Variants in FHIT observed in about 807,000 individuals in gnomAD.
FHIT encodes fragile histidine triad diadenosine triphosphatase, also known as bis(5'-adenosyl)-triphosphatase.
FHIT carries 19 observed loss-of-function variants against 17.9 expected under a neutral mutation model. The observed-to-expected ratio is 1.06, with a 90% CI of 0.74 to 1.56. The LOEUF (loss-of-function observed/expected upper bound fraction) is 1.56. Ranked by LOEUF, FHIT falls within the 40% of genes most tolerant of loss-of-function variation. FHIT has a pLI of 0.00. For missense variants in FHIT, 248 were observed against 189.2 expected (o/e 1.31, Z -1.82); for synonymous variants, 81 against 69.7 (o/e 1.16, Z -0.81).
chr3:59,843,565 G>T (rs1701607612), intron 8 of FHIT, among the ~76,000 whole-genome samples: 1 of 152,116 alleles, frequency 6.6e-6, no homozygotes, highest in African/African-American at 2.4e-5. Context: ...TGTTTTCATT[G>T]ATTGATACCT....
intron 5 of FHIT, among the ~76,000 whole-genome samples, chr3:60,089,901 T>C (rs1319210563): frequency 1.3e-5 from 2 of 152,136 alleles, no homozygotes. Context: ...ATTCAAACCA[T>C]AGAACCCACT....
At chr3:60,084,655 T>C (rs1703423697) in intron 5 of FHIT, among the ~76,000 whole-genome samples, 1 of 152,074 alleles carries the variant, frequency 6.6e-6, no homozygotes, top group Non-Finnish European at 1.5e-5. Flanking sequence ...ACAGAGAAAA[T>C]GATACGAGTA....
At chr3:60,094,868 G>A (rs1487935255) in intron 5 of FHIT, among the ~76,000 whole-genome samples, 1 of 152,006 alleles carries the variant, frequency 6.6e-6, no homozygotes, top group Non-Finnish European at 1.5e-5. Flanking sequence ...AGACAACACT[G>A]CAAAAGGAAG....
chr3:60,458,247 G>T (rs536263700), intron 5 of FHIT, among the ~76,000 whole-genome samples: 1 of 152,102 alleles, frequency 6.6e-6, no homozygotes, highest in African/African-American at 2.4e-5. Flanking sequence ...GGAATACTAT[G>T]CAGCCATAAA....
intron 5 of FHIT, among the ~76,000 whole-genome samples, chr3:60,490,817 G>A (rs1293357054): frequency 6.6e-6 from 1 of 152,118 alleles, no homozygotes; most frequent in Non-Finnish European, 1.5e-5. Context: ...CAACCCTACA[G>A]GGTAGATAGT....
chr3:60,202,877 T>C (rs213307), intron 5 of FHIT, among the ~76,000 whole-genome samples: 139,434 of 152,136 alleles, frequency 0.92, 63,931 homozygotes, highest in East Asian at 1. Flanking sequence ...TGGCACTCCA[T>C]AGCATCAGTC....
intron 5 of FHIT, among the ~76,000 whole-genome samples, chr3:60,324,084 T>C (rs566754242): frequency 6.6e-6 from 1 of 152,306 alleles, no homozygotes; most frequent in East Asian, 1.9e-4. Context: ...AAGAAACAGC[T>C]GGTTGTATTA....
In FHIT at chr3:60,395,266, C is replaced by T. The variant is rs533848243; in HGVS notation, c.103+141594G>A. On this transcript the variant is annotated intron_variant, in intron 5 of 9. Transcript: ENST00000492590. ...TGATCATTGTTTTTAGATACCACTGCCTGGACACTTTCTATGTTCTAGGAG... is the reference window on the plus strand; with the variant it reads ...TGATCATTGTTTTTAGATACCACTGTCTGGACACTTTCTATGTTCTAGGAG... Among the ~76,000 whole-genome samples the T allele has an allele frequency of 6.6e-5, 10 of 152,244 alleles. No individual in the cohort carries two copies. The East Asian group carries it at 1.7e-3, about 27-fold the overall frequency.
chr3:60,237,956 T>G (rs537443815), intron 5 of FHIT, among the ~76,000 whole-genome samples: 1 of 151,728 alleles, frequency 6.6e-6, no homozygotes, highest in African/African-American at 2.4e-5. Flanking sequence ...GCCAACATGG[T>G]GAAACTCCAT....
At chr3:60,986,406 A>G (rs1238030937) in intron 3 of FHIT, among the ~76,000 whole-genome samples, 2 of 152,206 alleles carry the variant, frequency 1.3e-5, no homozygotes, top group African/African-American at 4.8e-5. Flanking sequence ...CTCCTTTCTG[A>G]ATACTGGTAA....
chr3:59,814,075 C>CACACACACACACACACACACACA (rs1559629328), intron 8 of FHIT, among the ~76,000 whole-genome samples: 2 of 151,448 alleles, frequency 1.3e-5, no homozygotes, highest in African/African-American at 4.9e-5. Context: ...CACACACACA[C>CACACACACACACACACACACACA]CCGACGGTGA....
chr3:61,027,912 A>G (rs2032820017), intron 3 of FHIT, among the ~76,000 whole-genome samples: 1 of 152,220 alleles, frequency 6.6e-6, no homozygotes, highest in African/African-American at 2.4e-5. Flanking sequence ...ACATGCAAGC[A>G]TGCACATTAG....
intron 7 of FHIT, among the ~76,000 whole-genome samples, chr3:59,967,368 G>A (rs576546045): frequency 4.6e-5 from 7 of 152,042 alleles, no homozygotes; most frequent in East Asian, 3.8e-4. Flanking sequence ...ATAACTGTAC[G>A]TGTGATACTT....
chr3:60,410,254 G>T (rs1042843752), intron 5 of FHIT, among the ~76,000 whole-genome samples: 1 of 152,184 alleles, frequency 6.6e-6, no homozygotes, highest in African/African-American at 2.4e-5. Context: ...AGATGAGCAA[G>T]TTATCCAGAT....
chr3:60,817,653 G>A (rs1455808169), intron 4 of FHIT, among the ~76,000 whole-genome samples: 2 of 151,690 alleles, frequency 1.3e-5, no homozygotes, highest in African/African-American at 4.8e-5. Context: ...TTTTTCTCTG[G>A]CTACTATCAA....
At chr3:59,807,243 C>A (rs1700238675) in intron 8 of FHIT, among the ~76,000 whole-genome samples, 1 of 152,208 alleles carries the variant, frequency 6.6e-6, no homozygotes, top group African/African-American at 2.4e-5. Flanking sequence ...AATCTTCCAT[C>A]TGGAGCCCCA....
chr3:59,815,891 A>G (rs1040702787), intron 8 of FHIT, among the ~76,000 whole-genome samples: 1 of 147,858 alleles, frequency 6.8e-6, no homozygotes, highest in African/African-American at 2.4e-5. Context: ...TATAGAAATA[A>G]AAAAAAAATT....
intron 4 of FHIT, among the ~76,000 whole-genome samples, chr3:60,567,668 C>T (rs1358643103): frequency 2.0e-5 from 3 of 152,086 alleles, no homozygotes; most frequent in African/African-American, 7.2e-5. Flanking sequence ...AGTGAACAGG[C>T]CACCTACAGA....
At chr3:60,390,534 G>A (rs532177580) in intron 5 of FHIT, among the ~76,000 whole-genome samples, 7 of 151,488 alleles carry the variant, frequency 4.6e-5, no homozygotes, top group Non-Finnish European at 1.0e-4. Context: ...CCTCAGGCAA[G>A]TCCTTCAGGA....
Sources: gnomAD v4.1 joint callset for allele counts (sites outside exome capture counted in the v4.1 genomes callset) on GRCh38, gnomAD v4.1.1 for gene constraint, MANE v1.5 for transcripts, NCBI Gene and HGNC (gene_info 2026-07-23, HGNC 2026-07-21) for gene names.